The following GSE1 variants were observed in gnomAD, a reference collection of about 807,000 sequenced individuals.
The protein encoded by GSE1 is genetic suppressor element 1.
GSE1 carries 32 observed loss-of-function variants against 112.6 expected under a neutral mutation model. The ratio of observed to expected loss-of-function variants is 0.28; its 90% CI spans 0.21 to 0.38. The LOEUF (loss-of-function observed/expected upper bound fraction) is 0.38, where lower values mean the gene tolerates loss of function less well. Ranked by LOEUF, GSE1 falls within the 10% of genes least tolerant of loss-of-function variation. The pLI is 1.00. For synonymous variants in GSE1, 1,115 were observed against 735.6 expected (o/e 1.52, Z -8.35); for missense variants, 2,348 against 1,699.2 (o/e 1.38, Z -6.71).
At chr16:85,391,135 TAGGATGGAGCAAC>T (rs1037500909) in intron 2 of GSE1, among the ~76,000 whole-genome samples, 2 of 152,042 alleles carry the variant, frequency 1.3e-5, no homozygotes, top group Non-Finnish European at 2.9e-5. Flanking sequence ...AAGAGAGGGC[TAGGATGGAGCAAC>T]AGGATGGAGC....
chr16:85,467,762 C>A lies in GSE1; in HGVS notation c.2464+110119C>A, dbSNP rs2050166353. Among the ~76,000 whole-genome samples, 3 of 152,126 alleles carry A rather than the reference C, an allele frequency of 2.0e-5. No individual in the cohort carries two copies. In the South Asian group the frequency reaches 6.2e-4, roughly 32 times the overall value. ...GTTCAAGGGGAAGGTACGGAGATACCCCCTCCAGATGGGAAGAGTGTCAAA... is the reference window on the plus strand; with the variant it reads ...GTTCAAGGGGAAGGTACGGAGATACACCCTCCAGATGGGAAGAGTGTCAAA... On this transcript the variant is annotated intron_variant, in intron 2 of 2. Coordinates refer to the GSE1 transcript ENST00000637419.
intron 1 of GSE1, among the ~76,000 whole-genome samples, chr16:85,623,529 C>A (rs954033197): frequency 6.6e-6 from 1 of 152,182 alleles, no homozygotes; most frequent in Non-Finnish European, 1.5e-5. Context: ...CAGCTCAGGA[C>A]CAAGCCCTTT....
chr16:85,671,017 G>A lies in GSE1; in HGVS notation c.3438G>A (p.Val1146=), dbSNP rs1440537662. 5.6e-6 allele frequency: 9 copies of A among 1,610,856 alleles called. No homozygotes were observed. Among genetic ancestry groups the A allele is most frequent in the African/African-American group, 1.3e-5 (1 of 74,824 alleles). The change falls in exon 15 of 16, where the codon GTG becomes GTA. Residue 1146 remains valine (V), a synonymous_variant. Transcript: ENST00000253458. ...HIEEQNLERQ[V]LQTQCRRLEA... ...CAGAGCAAAATCTGGAGCGGCAGGT[G>A]TTACAGACACAATGTAGACGACTGG...
chr16:85,672,631 A>AAGCTT lies in GSE1; in HGVS notation c.*94_*98dup. On this transcript the variant is annotated 3_prime_UTR_variant, in exon 16 of 16. Transcript: ENST00000253458. ...TTAATATTTTTCACTGGGAGGTTTG[A>AAGCTT]AGCTTACAAAATGAGAATGTGCCAT... The AAGCTT allele has an allele frequency of 1.1e-6, 1 of 920,250 alleles. No homozygotes were observed. The highest frequency in any genetic ancestry group is 1.5e-6 in the Non-Finnish European group (1 of 651,190). 57.0% of individuals were successfully genotyped at this position (920,250 alleles called of 1,614,324 possible).
chr16:85,566,684 C>G (rs1466561727), intron 1 of GSE1, among the ~76,000 whole-genome samples: 1 of 152,242 alleles, frequency 6.6e-6, no homozygotes, highest in Admixed American at 6.5e-5. Flanking sequence ...ACCCTCCCCA[C>G]CTCTTGTCAT....
At chr16:85,552,120 G>A (rs1183679499), upstream of GSE1, among the ~76,000 whole-genome samples, 4 of 152,024 alleles carry the variant, frequency 2.6e-5, no homozygotes, top group Non-Finnish European at 5.9e-5. Flanking sequence ...CCGCCTTCAG[G>A]GTTCACACCA....
chr16:85,208,383 C>G (rs894988290), intron 1 of GSE1, among the ~76,000 whole-genome samples: 7 of 152,208 alleles, frequency 4.6e-5, no homozygotes, highest in Admixed American at 2.6e-4. Context: ...CCACTCAGTA[C>G]TCCCTCCTGG....
At chr16:85,457,311 C>A (rs2049856334) in intron 2 of GSE1, among the ~76,000 whole-genome samples, 1 of 152,212 alleles carries the variant, frequency 6.6e-6, no homozygotes, top group South Asian at 2.1e-4. Context: ...CATCTCCACC[C>A]TGAGCTGGCA....
intron 1 of GSE1, among the ~76,000 whole-genome samples, chr16:85,572,387 C>A (rs970894438): frequency 6.8e-6 from 1 of 147,192 alleles, no homozygotes; most frequent in African/African-American, 2.5e-5. Flanking sequence ...CCACATACCC[C>A]CACACACAAA....
At chr16:85,457,526 C>T (rs1394276132) in intron 2 of GSE1, among the ~76,000 whole-genome samples, 2 of 152,212 alleles carry the variant, frequency 1.3e-5, no homozygotes, top group African/African-American at 4.8e-5. Flanking sequence ...GATGTGTCAT[C>T]GTCCCAGGAC....
intron 1 of GSE1, among the ~76,000 whole-genome samples, chr16:85,179,515 A>T (rs2074538498): frequency 1.3e-5 from 2 of 152,030 alleles, no homozygotes; most frequent in South Asian, 4.2e-4. Context: ...TGCGCCTGGG[A>T]GTAAGGTTGC....
intron 1 of GSE1, among the ~76,000 whole-genome samples, chr16:85,346,402 G>C (rs373024412): frequency 4.1e-5 from 6 of 144,666 alleles, no homozygotes; most frequent in African/African-American, 1.3e-4. Flanking sequence ...ATGGATGGAT[G>C]ATGGGCGGGT....
Position 85,361,216 on chromosome 16 carries a change from C to T in GSE1, c.2464+3573C>T, listed in dbSNP as rs570906035. 1.6e-4 allele frequency among the ~76,000 whole-genome samples: 20 copies of T among 128,818 alleles called. 1 individual carries two copies. The highest frequency in any genetic ancestry group is 1.1e-3 in the South Asian group (4 of 3,660). 84.5% of individuals were successfully genotyped at this position (128,818 alleles called of 152,430 possible). On this transcript the variant is annotated intron_variant, in intron 2 of 2. Transcript: ENST00000637419. ...GACCCCCCACACACAAACACACAGA[C>T]GCACACGGGGCAGAGACACACATAG...
At chr16:85,555,469 T>G, upstream of GSE1, 3 of 984,660 alleles carry the variant, frequency 3.0e-6, no homozygotes, top group Non-Finnish European at 3.6e-6. Flanking sequence ...GCCGGAGACT[T>G]GTTTGCAATC....
At chr16:85,229,105 G>A (rs2075538258) in intron 1 of GSE1, among the ~76,000 whole-genome samples, 1 of 152,262 alleles carries the variant, frequency 6.6e-6, no homozygotes, top group East Asian at 1.9e-4. Flanking sequence ...CCTGCAGCGT[G>A]GGGGTGGCGG....
At chr16:85,241,591 C>G (rs545495080) in intron 1 of GSE1, among the ~76,000 whole-genome samples, 1 of 152,200 alleles carries the variant, frequency 6.6e-6, no homozygotes, top group South Asian at 2.1e-4. Context: ...CTGTCAATTA[C>G]CCGGTGTGGT....
intron 2 of GSE1, among the ~76,000 whole-genome samples, chr16:85,478,444 C>G (rs573452821): frequency 2.6e-5 from 4 of 151,138 alleles, no homozygotes; most frequent in African/African-American, 2.4e-5. Context: ...GGAGAATCAC[C>G]TGAATGTGGG....
At chr16:85,483,408 C>A (rs1235754058) in intron 2 of GSE1, among the ~76,000 whole-genome samples, 2 of 152,266 alleles carry the variant, frequency 1.3e-5, no homozygotes, top group Admixed American at 1.3e-4. Context: ...CCACTCTGTG[C>A]CTCAGTTTCC....
intron 1 of GSE1, among the ~76,000 whole-genome samples, chr16:85,276,710 C>A (rs369755141): frequency 1.3e-5 from 2 of 152,168 alleles, no homozygotes; most frequent in Non-Finnish European, 2.9e-5. Context: ...TCAGCGTGGG[C>A]CAGGGCAGGG....
Sources: allele counts gnomAD v4.1 joint callset (sites outside exome capture counted in the v4.1 genomes callset), GRCh38; gene constraint gnomAD v4.1.1; transcripts MANE v1.5; gene names NCBI Gene and HGNC (gene_info 2026-07-23, HGNC 2026-07-21).